NLGN4X: variants seen among roughly 807,000 people sequenced by gnomAD.
NLGN4X encodes the protein neuroligin-4, X-linked.
NLGN4X carries 3 observed loss-of-function variants against 40.3 expected under a neutral mutation model. That is an observed-to-expected ratio of 0.07 (90% CI 0.03 to 0.19). The LOEUF is 0.19. Ranked by LOEUF, NLGN4X falls within the 10% of genes least tolerant of loss-of-function variation. The pLI is 1.00. For missense variants in NLGN4X, 382 were observed against 708.3 expected (o/e 0.54, Z 5.23); for synonymous variants, 270 against 306.8 (o/e 0.88, Z 1.25).
intron 2 of NLGN4X, among the ~76,000 whole-genome samples, chrX:6,148,885 G>C (rs888480113): frequency 1.8e-5 from 2 of 111,925 alleles, no homozygotes; most frequent in South Asian, 3.7e-4. Flanking sequence ...TAACCCAATA[G>C]GCTGTGACTT....
At chrX:5,915,222 A>G (rs2032730955) in intron 3 of NLGN4X, among the ~76,000 whole-genome samples, 1 of 112,342 alleles carries the variant, frequency 8.9e-6, no homozygotes, top group African/African-American at 3.2e-5. Flanking sequence ...AATGATTTTT[A>G]TACCACAGGT....
At chrX:6,179,114 G>GGAAGGAAGGAAGGAAGGAAGGAAA (rs1569284121) in intron 1 of NLGN4X, among the ~76,000 whole-genome samples, 9 of 105,934 alleles carry the variant, frequency 8.5e-5, no homozygotes, top group African/African-American at 3.3e-4. Flanking sequence ...AAGGAAGGAA[G>GGAAGGAAGGAAGGAAGGAAGGAAA]GAAGGAAGGA....
chrX:6,180,623 A>G, intron 1 of NLGN4X, among the ~76,000 whole-genome samples: 1 of 111,516 alleles, frequency 9.0e-6, no homozygotes, highest in Middle Eastern at 4.6e-3. Flanking sequence ...ACAACATTCA[A>G]CGTTCGAGTG....
At chrX:6,052,003 T>C (rs1181098826) in intron 2 of NLGN4X, among the ~76,000 whole-genome samples, 4 of 110,721 alleles carry the variant, frequency 3.6e-5, no homozygotes, top group Non-Finnish European at 5.7e-5. Context: ...TGTCGCCGTA[T>C]TGGGAGACAG....
chrX:5,922,746 C>T, intron 3 of NLGN4X, among the ~76,000 whole-genome samples: 1 of 110,424 alleles, frequency 9.1e-6, no homozygotes, highest in Non-Finnish European at 1.9e-5. Context: ...GCCTGTAATA[C>T]CAGCTACTTG....
chrX:5,942,674 G>A (rs1278256773), intron 3 of NLGN4X, among the ~76,000 whole-genome samples: 2 of 108,838 alleles, frequency 1.8e-5, no homozygotes, highest in East Asian at 5.8e-4. Context: ...GAGAAGGAAA[G>A]GAAAGGGGAG....
At chrX:6,067,112 C>A (rs183267040) in intron 2 of NLGN4X, among the ~76,000 whole-genome samples, 181 of 109,356 alleles carry the variant, frequency 1.7e-3, no homozygotes, top group Admixed American at 2.4e-3. Context: ...CAGTCCCCCC[C>A]CCAAAACAAA....
chrX:5,913,375 T>C (rs144448085), intron 3 of NLGN4X, among the ~76,000 whole-genome samples: 2,045 of 111,365 alleles, frequency 0.018, 47 homozygotes, highest in African/African-American at 0.062. Context: ...GAGAAGTCAT[T>C]CCTCGGATAG....
At chrX:6,180,454 A>C (rs1921314828) in intron 1 of NLGN4X, among the ~76,000 whole-genome samples, 1 of 110,714 alleles carries the variant, frequency 9.0e-6, no homozygotes, top group South Asian at 3.9e-4. Flanking sequence ...CTCCCCCTTT[A>C]CCTTCCGCCA....
chrX:5,976,530 G>A (rs2035182078), intron 3 of NLGN4X, among the ~76,000 whole-genome samples: 1 of 112,125 alleles, frequency 8.9e-6, no homozygotes, highest in Non-Finnish European at 1.9e-5. Context: ...TCAAGTGGGA[G>A]TAATCTGCTC....
intron 1 of NLGN4X, among the ~76,000 whole-genome samples, chrX:6,214,872 T>G (rs1031987233): frequency 8.9e-6 from 1 of 112,066 alleles, no homozygotes; most frequent in Non-Finnish European, 1.9e-5. Flanking sequence ...AGGCAATTAA[T>G]TAACACTTCA....
intron 3 of NLGN4X, among the ~76,000 whole-genome samples, chrX:5,943,864 G>A: frequency 8.9e-6 from 1 of 112,395 alleles, no homozygotes; most frequent in Non-Finnish European, 1.9e-5. Flanking sequence ...AACTGAGATA[G>A]GCCAGGGAGG....
At chrX:5,933,583 G>A (rs1162471747) in intron 3 of NLGN4X, among the ~76,000 whole-genome samples, 2 of 111,407 alleles carry the variant, frequency 1.8e-5, no homozygotes, top group East Asian at 5.6e-4. Flanking sequence ...GATCAGTTAT[G>A]GTTAACCATA....
At chrX:5,939,404 T>C (rs1289293870) in intron 3 of NLGN4X, among the ~76,000 whole-genome samples, 1 of 111,154 alleles carries the variant, frequency 9.0e-6, no homozygotes, top group African/African-American at 3.3e-5. Context: ...CACATACACA[T>C]CTCTTTGGCT....
chrX:5,940,599 G>A (rs755468853), intron 3 of NLGN4X, among the ~76,000 whole-genome samples: 61 of 90,261 alleles, frequency 6.8e-4, no homozygotes, highest in African/African-American at 5.8e-4. Flanking sequence ...CTATTCTCTA[G>A]AAAAAAAAAA....
At chrX:6,208,609 G>A (rs753289228) in intron 1 of NLGN4X, among the ~76,000 whole-genome samples, 4 of 112,078 alleles carry the variant, frequency 3.6e-5, no homozygotes, top group Admixed American at 1.9e-4. Context: ...AATTCCCCAT[G>A]TAAAACTTGG....
At chrX:6,102,092 G>A in intron 2 of NLGN4X, among the ~76,000 whole-genome samples, 1 of 111,325 alleles carries the variant, frequency 9.0e-6, no homozygotes, top group Non-Finnish European at 1.9e-5. Context: ...TTACAGGCGT[G>A]AGCCACCGTG....
intron 2 of NLGN4X, 91 bp from the exon 3 acceptor site, chrX:6,029,523 C>T: frequency 1.1e-6 from 1 of 930,000 alleles, no homozygotes; most frequent in Non-Finnish European, 1.5e-6. Context: ...CACTGATTTC[C>T]CTATTTTGAC....
chrX:6,225,686 TTTC>T, intron 1 of NLGN4X, among the ~76,000 whole-genome samples: 3 of 73,483 alleles, frequency 4.1e-5, no homozygotes, highest in Admixed American at 1.7e-4. Context: ...TCTTTCTTTT[TTTC>T]TTTTTTTTTT....
Sources: gnomAD v4.1 joint callset for allele counts (sites outside exome capture counted in the v4.1 genomes callset) on GRCh38, gnomAD v4.1.1 for gene constraint, MANE v1.5 for transcripts, NCBI Gene and HGNC (gene_info 2026-07-23, HGNC 2026-07-21) for gene names.